The following GRID2 variants were observed in gnomAD, a reference collection of about 807,000 sequenced individuals.
GRID2 encodes the protein glutamate receptor ionotropic, delta-2.
A neutral mutation model predicts 114.8 loss-of-function variants in GRID2; 33 were observed. The ratio of observed to expected loss-of-function variants is 0.29; its 90% confidence interval spans 0.22 to 0.38. The LOEUF is 0.38. Ranked by LOEUF, GRID2 falls within the 10% of genes least tolerant of loss-of-function variation. GRID2 has a pLI of 1.00. For missense variants in GRID2, 1,184 were observed against 1,257.7 expected, an observed-to-expected ratio of 0.94 and a Z score of 0.89; for synonymous variants, 505 against 449.9, an observed-to-expected ratio of 1.12 and a Z score of -1.55.
intron 2 of GRID2, among the ~76,000 whole-genome samples, chr4:92,713,578 G>T (rs1735387159): frequency 6.9e-6 from 1 of 144,152 alleles, no homozygotes; most frequent in Non-Finnish European, 1.5e-5. Flanking sequence ...TCATGCTGCT[G>T]ATAAAGACAT....
intron 1 of GRID2, among the ~76,000 whole-genome samples, chr4:93,788,715 A>T (rs1264839366): frequency 2.0e-5 from 3 of 152,230 alleles, no homozygotes; most frequent in Admixed American, 6.5e-5. Flanking sequence ...AGGGTCTCCT[A>T]TGCGGTAGAA....
intron 2 of GRID2, among the ~76,000 whole-genome samples, chr4:92,881,264 C>T (rs1259531592): frequency 1.3e-5 from 2 of 152,160 alleles, no homozygotes; most frequent in Non-Finnish European, 2.9e-5. Flanking sequence ...TTATAGTTCT[C>T]AGAGCTCGCC....
chr4:93,779,460 G>A (rs1284435995), downstream of GRID2, among the ~76,000 whole-genome samples: 1 of 152,008 alleles, frequency 6.6e-6, no homozygotes, highest in African/African-American at 2.4e-5. Flanking sequence ...CCGGGGAGAG[G>A]GGATGACTAG....
At chr4:93,261,162 A>G (rs74335987) in intron 8 of GRID2, among the ~76,000 whole-genome samples, 1 of 151,892 alleles carries the variant, frequency 6.6e-6, no homozygotes, top group African/African-American at 2.4e-5. Flanking sequence ...TTAAAAAAAA[A>G]CATCAATACT....
chr4:93,459,421 G>A (rs1376344994), intron 11 of GRID2, among the ~76,000 whole-genome samples: 2 of 152,022 alleles, frequency 1.3e-5, no homozygotes, highest in African/African-American at 4.8e-5. Context: ...GCTGATCAAG[G>A]AACTGAGAGA....
chr4:92,440,572 A>T (rs1396060739), intron 1 of GRID2, among the ~76,000 whole-genome samples: 3 of 151,838 alleles, frequency 2.0e-5, no homozygotes, highest in East Asian at 1.9e-4. Flanking sequence ...AGAATAGCAG[A>T]TGGAACACTG....
intron 1 of GRID2, among the ~76,000 whole-genome samples, chr4:92,461,918 C>T (rs189895932): frequency 1.4e-4 from 21 of 152,088 alleles, no homozygotes; most frequent in African/African-American, 5.1e-4. Context: ...CTTTTAAAAT[C>T]ATACCACCAA....
chr4:93,604,147 A>T (rs2149646700), intron 13 of GRID2, among the ~76,000 whole-genome samples: 1 of 152,354 alleles, frequency 6.6e-6, no homozygotes, highest in East Asian at 1.9e-4. Flanking sequence ...TCTGGAAAGC[A>T]TTCACCTTTC....
chr4:92,856,774 A>G (rs1314784519), intron 2 of GRID2, among the ~76,000 whole-genome samples: 7 of 152,184 alleles, frequency 4.6e-5, no homozygotes, highest in Admixed American at 2.6e-4. Flanking sequence ...ATGTACGGAC[A>G]TTGTTAACTT....
intron 2 of GRID2, among the ~76,000 whole-genome samples, chr4:92,922,806 C>G (rs924902266): frequency 6.6e-6 from 1 of 152,104 alleles, no homozygotes; most frequent in African/African-American, 2.4e-5. Context: ...CAAAGCGATG[C>G]TTATTTTTTG....
At chr4:93,718,124 T>G (rs547167367) in intron 14 of GRID2, among the ~76,000 whole-genome samples, 10 of 152,288 alleles carry the variant, frequency 6.6e-5, no homozygotes, top group East Asian at 1.9e-4. Context: ...CAAAGTATTT[T>G]AGAGGCACAG....
chr4:93,267,108 A>G (rs577256398), intron 8 of GRID2, among the ~76,000 whole-genome samples: 8 of 151,470 alleles, frequency 5.3e-5, no homozygotes, highest in Non-Finnish European at 1.2e-4. Context: ...TGCTGCAACA[A>G]TCATGATTTT....
chr4:92,981,861 A>G (rs888070679), intron 2 of GRID2, among the ~76,000 whole-genome samples: 4 of 151,942 alleles, frequency 2.6e-5, no homozygotes, highest in Non-Finnish European at 5.9e-5. Context: ...TAAACTGGGA[A>G]AACGCACATC....
rs568434625 is a variant in GRID2 at position 93,040,673 on chromosome 4, C to T, written c.245-44322C>T. 2.6e-5 allele frequency among the ~76,000 whole-genome samples: 4 copies of T among 152,172 alleles called. No individual in the cohort carries two copies. The South Asian group carries it at 8.3e-4, about 32-fold the overall frequency. ...ACTGGGTATTTTAACAATGAAAAAT[C>T]GGTCGGAACAGTGTTACACTGAGAA... is the stretch of plus-strand genomic sequence containing the variant. On this transcript the variant is annotated intron_variant, in intron 2 of 15. Coordinates refer to ENST00000282020, the MANE Select transcript of GRID2 (RefSeq NM_001510.4).
At chr4:92,861,406 G>A (rs2149435321) in intron 2 of GRID2, among the ~76,000 whole-genome samples, 2 of 152,170 alleles carry the variant, frequency 1.3e-5, no homozygotes, top group South Asian at 2.1e-4. Context: ...GCACACTAGT[G>A]CGAAGGAAAT....
intron 8 of GRID2, among the ~76,000 whole-genome samples, chr4:93,290,330 T>C (rs1753604144): frequency 6.6e-6 from 1 of 152,054 alleles, no homozygotes; most frequent in Non-Finnish European, 1.5e-5. Context: ...AGAGCTGGGG[T>C]TTTAGGAGAT....
intron 2 of GRID2, among the ~76,000 whole-genome samples, chr4:92,873,124 T>A (rs753321255): frequency 6.6e-6 from 1 of 152,176 alleles, no homozygotes; most frequent in Non-Finnish European, 1.5e-5. Context: ...AAAATTTTTT[T>A]GTTTGGTTTG....
chr4:92,943,599 C>T (rs577902222), intron 2 of GRID2, among the ~76,000 whole-genome samples: 2 of 152,178 alleles, frequency 1.3e-5, no homozygotes, highest in Admixed American at 6.5e-5. Context: ...ATTCTCCATC[C>T]AGCTTTGTTC....
intron 2 of GRID2, among the ~76,000 whole-genome samples, chr4:92,850,374 T>A (rs1743685726): frequency 6.6e-6 from 1 of 151,882 alleles, no homozygotes; most frequent in Non-Finnish European, 1.5e-5. Context: ...TGTAAAACTT[T>A]TTGTAAACAA....
Sources: allele counts gnomAD v4.1 joint callset (sites outside exome capture counted in the v4.1 genomes callset), GRCh38; gene constraint gnomAD v4.1.1; transcripts MANE v1.5; gene names NCBI Gene and HGNC (gene_info 2026-07-23, HGNC 2026-07-21).